The following DIP2C variants were observed in gnomAD, a reference collection of about 807,000 sequenced individuals.
DIP2C encodes DIP2 acetate--CoA ligase C (putative).
In DIP2C, 33 loss-of-function variants were observed where a neutral mutation model predicts 192.4. The observed-to-expected ratio is 0.17, with a 90% CI of 0.13 to 0.23. The LOEUF is 0.23. Among genes scored for constraint, DIP2C ranks in the 10% least tolerant of loss-of-function variants. The pLI is 1.00. For missense variants in DIP2C, 1,537 were observed against 2,110.1 expected (o/e 0.73, Z 5.32); for synonymous variants, 979 against 864.1 (o/e 1.13, Z -2.33).
At chr10:588,405 G>T (rs537196812) in intron 1 of DIP2C, among the ~76,000 whole-genome samples, 3 of 152,372 alleles carry the variant, frequency 2.0e-5, no homozygotes, top group East Asian at 3.9e-4. Flanking sequence ...GTTAAATTGG[G>T]AGATTCCATC....
intron 1 of DIP2C, among the ~76,000 whole-genome samples, chr10:582,448 T>C (rs775803765): frequency 3.3e-5 from 5 of 152,196 alleles, no homozygotes; most frequent in Admixed American, 1.3e-4. Flanking sequence ...CCAGGCATGC[T>C]GGTGCGCGCC....
At chr10:654,573 A>G (rs1307595216) in intron 1 of DIP2C, among the ~76,000 whole-genome samples, 1 of 152,190 alleles carries the variant, frequency 6.6e-6, no homozygotes, top group Non-Finnish European at 1.5e-5. Flanking sequence ...ATCTCATTTC[A>G]TCCTACACAG....
intron 1 of DIP2C, among the ~76,000 whole-genome samples, chr10:487,081 C>T (rs1042290335): frequency 2.0e-5 from 3 of 152,226 alleles, no homozygotes; most frequent in Admixed American, 6.5e-5. Context: ...GAGAAAGGTG[C>T]TTGTGGTGAG....
chr10:648,188 G>A (rs1300570270), intron 1 of DIP2C, among the ~76,000 whole-genome samples: 1 of 151,218 alleles, frequency 6.6e-6, no homozygotes, highest in African/African-American at 2.4e-5. Flanking sequence ...GAGGGAAACT[G>A]AGTCCACGTC....
chr10:394,854 T>C (rs1172546030), intron 10 of DIP2C, among the ~76,000 whole-genome samples: 2 of 139,936 alleles, frequency 1.4e-5, no homozygotes, highest in East Asian at 2.1e-4. Context: ...CCGAAGGACA[T>C]TACCTCACAC....
chr10:591,834 C>T (rs1851420725), intron 1 of DIP2C, among the ~76,000 whole-genome samples: 1 of 133,274 alleles, frequency 7.5e-6, no homozygotes, highest in African/African-American at 4.1e-5. Context: ...ACAGGGACCT[C>T]TCCTCAGACG....
At chr10:339,129 T>C (rs553246876) in intron 29 of DIP2C, among the ~76,000 whole-genome samples, 1 of 152,124 alleles carries the variant, frequency 6.6e-6, no homozygotes, top group Non-Finnish European at 1.5e-5. Flanking sequence ...CCAGGGCCTC[T>C]TCTGCCTGAT....
intron 7 of DIP2C, among the ~76,000 whole-genome samples, chr10:414,739 G>GTGTATATATTTATATATATATATATATA: frequency 1.1e-5 from 1 of 90,510 alleles, no homozygotes; most frequent in Non-Finnish European, 2.1e-5. Flanking sequence ...GTGTGTGTGT[G>GTGTATATATTTATATATATATATATATA]TACATATATA....
chr10:579,362 T>C (rs1021998464), intron 1 of DIP2C, among the ~76,000 whole-genome samples: 2 of 151,844 alleles, frequency 1.3e-5, no homozygotes, highest in African/African-American at 4.8e-5. Context: ...AAATGTAGTG[T>C]ACAAACAAGT....
At chr10:583,913 G>A (rs940552231) in intron 1 of DIP2C, among the ~76,000 whole-genome samples, 12 of 152,164 alleles carry the variant, frequency 7.9e-5, no homozygotes, top group African/African-American at 2.7e-4. Flanking sequence ...CCTAGAGATC[G>A]CCTGTAATGA....
chr10:414,727 G>GTATATATATATA (rs1305381030), intron 7 of DIP2C, among the ~76,000 whole-genome samples: 2 of 70,360 alleles, frequency 2.8e-5, no homozygotes, highest in African/African-American at 1.1e-4. Context: ...GTGTGTGTGT[G>GTATATATATATA]TGTGTGTGTG....
intron 23 of DIP2C, 89 bp downstream of exon 23, chr10:357,739 G>A: frequency 2.1e-6 from 2 of 961,724 alleles, no homozygotes; most frequent in South Asian, 1.5e-5. Flanking sequence ...GTAGGGGACA[G>A]TCGGGTACTG....
At chr10:489,057 T>C (rs1356381150) in intron 1 of DIP2C, among the ~76,000 whole-genome samples, 5 of 152,126 alleles carry the variant, frequency 3.3e-5, no homozygotes, top group Non-Finnish European at 7.3e-5. Flanking sequence ...TATCCCAAAA[T>C]GCAGAAGACG....
rs1028019333 is a variant in DIP2C, at chr10:274,586, T to G, written c.*2739A>C. ...GTTGCTGTCCTTTGCACATAAAAAT[T>G]TTGTTTGAAACTGTGGCTGGTTGAG... On this transcript the variant is annotated 3_prime_UTR_variant, in exon 37 of 37. Transcript: ENST00000280886. The G allele has an allele frequency of 2.6e-5, 4 of 152,204 alleles. No homozygotes were observed. The highest frequency in any genetic ancestry group is 9.7e-5 in the African/African-American group (4 of 41,434). 9.4% of individuals were successfully genotyped at this position (152,204 alleles called of 1,614,324 possible). A position where few individuals can be genotyped will look rare whatever the true frequency, so the allele number is the denominator to read the frequency against.
intron 1 of DIP2C, among the ~76,000 whole-genome samples, chr10:552,638 C>CAGG (rs1848646860): frequency 6.6e-6 from 1 of 152,198 alleles, no homozygotes; most frequent in South Asian, 2.1e-4. Context: ...ATCACGAGGT[C>CAGG]AGGAGATCTA....
chr10:351,099 C>G (rs1458579757), intron 24 of DIP2C, among the ~76,000 whole-genome samples: 1 of 152,142 alleles, frequency 6.6e-6, no homozygotes, highest in Non-Finnish European at 1.5e-5. Context: ...TGTCGGGGAC[C>G]AGACACTGCG....
rs1437528237 is a variant in DIP2C at position 636,877 on chromosome 10, C to G, written c.85+52617G>C. 6.6e-6 allele frequency among the ~76,000 whole-genome samples: 1 copy of G among 152,254 alleles called. No homozygotes were observed. Among genetic ancestry groups the G allele is most frequent in the Admixed American group, 6.5e-5 (1 of 15,286 alleles). ...CCTTCCGTCATACACTTCTCAGCAG[C>G]TTCCCGGTGAGGCTGCTGGTTCACG... On this transcript the variant is annotated intron_variant, in intron 1 of 36. Coordinates refer to ENST00000280886, the MANE Select transcript of DIP2C (RefSeq NM_014974.3). This position sits in a 1 kb window ranked among gnomAD's most constrained non-coding sequence, Gnocchi z 4.6.
At chr10:382,783 G>T (rs1962494007) in intron 16 of DIP2C, 22 bp from the exon 17 acceptor site, 1 of 1,540,050 alleles carries the variant, frequency 6.5e-7, no homozygotes, top group South Asian at 1.2e-5. Flanking sequence ...GAGGGACAAT[G>T]ATCAGACAGC....
chr10:653,887 G>A (rs989545375), intron 1 of DIP2C, among the ~76,000 whole-genome samples: 2 of 152,274 alleles, frequency 1.3e-5, no homozygotes, highest in Non-Finnish European at 2.9e-5. Flanking sequence ...CAGAAGAGAC[G>A]CACCAACTCT....
Sources: gnomAD v4.1 joint callset for allele counts (sites outside exome capture counted in the v4.1 genomes callset) on GRCh38, gnomAD v4.1.1 for gene constraint, Gnocchi (gnomAD v3.1) non-coding constraint, MANE v1.5 for transcripts, NCBI Gene and HGNC (gene_info 2026-07-23, HGNC 2026-07-21) for gene names.